RPP38: variants seen among roughly 807,000 people sequenced by gnomAD.
RPP38 encodes ribonuclease P protein subunit p38.
A neutral mutation model predicts 1.7 loss-of-function variants in RPP38; 2 were observed. The observed-to-expected ratio is 1.18, with a 90% CI of 0.48 to 3.70. RPP38 has a LOEUF of 3.70. RPP38 is among the 30% of genes most tolerant of loss of function. The pLI is 0.07. For synonymous variants in RPP38, 151 were observed against 131.8 expected (o/e 1.15, Z -1.00); for missense variants, 358 against 340.1 (o/e 1.05, Z -0.41).
chr10:15,103,196 A>T, intron 2 of RPP38, 109 bp from the exon 3 acceptor site: 1 of 1,087,066 alleles, frequency 9.2e-7, no homozygotes, highest in Admixed American at 2.9e-5. Context: ...CTGTCTCAAA[A>T]AATAAATACA....
At chr10:15,099,441 A>T (rs1029055090) in intron 1 of RPP38, among the ~76,000 whole-genome samples, 4 of 151,020 alleles carry the variant, frequency 2.6e-5, no homozygotes, top group Admixed American at 1.3e-4. Context: ...AGACCAGCCC[A>T]GGCAACAAAG....
chr10:15,098,888 A>C (rs1173456216), intron 1 of RPP38, among the ~76,000 whole-genome samples: 3 of 113,764 alleles, frequency 2.6e-5, no homozygotes, highest in East Asian at 4.1e-4. Flanking sequence ...CCGTCTCAAA[A>C]AAAAAAAAAA....
At chr10:15,101,640 C>G (rs910615611) in intron 1 of RPP38, among the ~76,000 whole-genome samples, 3 of 152,118 alleles carry the variant, frequency 2.0e-5, no homozygotes, top group Admixed American at 1.3e-4. Flanking sequence ...CCTGTAATCC[C>G]AGCACTCTGG....
In RPP38 at chr10:15,103,495, G is replaced by A. The variant is rs547184579; in HGVS notation, c.181G>A (p.Glu61Lys). The A allele has an allele frequency of 7.4e-6, 12 of 1,614,024 alleles. No homozygotes were observed. In the African/African-American group the frequency reaches 8.0e-5, roughly 11 times the overall value. Residue 61 changes from glutamate to lysine, a missense_variant, in exon 3 of 3, where the codon GAA becomes AAA. Coordinates refer to ENST00000378197, the MANE Select transcript of RPP38 (RefSeq NM_183005.5). ...TAAAGCTATTGGACTTCAGAAGATTGAAGATAAGAAGAAAAAGAACAAAAC... is the reference window on the plus strand; with the variant it reads ...TAAAGCTATTGGACTTCAGAAGATTAAAGATAAGAAGAAAAAGAACAAAAC... ...RLKAIGLQKI[E>K]DKKKKNKTPF...
Position 15,103,888 on chromosome 10 carries a change from G to A in RPP38, c.574G>A (p.Glu192Lys), listed in dbSNP as rs1845208633. The change falls in exon 3 of 3, where the codon GAA (glutamate) becomes AAA (lysine). Residue 192 changes from glutamate to lysine, a missense_variant. Glu to Lys is a moderately conservative substitution (Grantham distance 56). Coordinates refer to ENST00000378197, the MANE Select transcript of RPP38 (RefSeq NM_183005.5). ...AAAGAACACCACTGACTTTGTGGACGAAGTAAGAGCCATCATCCCCAGAGT... is the reference window on the plus strand; with the variant it reads ...AAAGAACACCACTGACTTTGTGGACAAAGTAAGAGCCATCATCCCCAGAGT... Reference protein sequence around the residue: ...FKKNTTDFVDEVRAIIPRVPS... With the variant: ...FKKNTTDFVDKVRAIIPRVPS... The A allele has an allele frequency of 2.6e-5, 42 of 1,614,126 alleles. No individual in the cohort carries two copies. Among genetic ancestry groups the A allele is most frequent in the African/African-American group, 6.7e-5 (5 of 75,052 alleles).
In RPP38 at chr10:15,103,741, A is replaced by T. The variant is rs1223669875; in HGVS notation, c.427A>T (p.Ile143Phe). The T allele has an allele frequency of 6.2e-7, 1 of 1,613,844 alleles. No individual in the cohort carries two copies. The highest frequency in any genetic ancestry group is 8.5e-7 in the Non-Finnish European group (1 of 1,180,036). Residue 143 changes from isoleucine to phenylalanine, a missense_variant, in exon 3 of 3, where the codon ATC becomes TTC. Physicochemically the swap from Ile to Phe is conservative, Grantham distance 21. Transcript: ENST00000378197. ...GTGTAAATCAGTCAAGCCTGCCATG[A>T]TCACCTCACACTTGATTCAGTTAAG... Reference protein sequence around the residue: ...LVCKSVKPAMITSHLIQLSLS... With the variant: ...LVCKSVKPAMFTSHLIQLSLS...
rs756322806 is a variant in RPP38, at chr10:15,103,764, A to T, written c.450A>T (p.Leu150Phe). The change falls in exon 3 of 3, where the codon TTA (leucine) becomes TTT (phenylalanine). Residue 150 changes from leucine (L) to phenylalanine (F), a missense_variant. Physicochemically the swap from Leu to Phe is conservative, Grantham distance 22. Coordinates refer to ENST00000378197, the MANE Select transcript of RPP38 (RefSeq NM_183005.5). Reference protein sequence around the residue: ...PAMITSHLIQLSLSRSVPACQ... With the variant: ...PAMITSHLIQFSLSRSVPACQ... ...TGATCACCTCACACTTGATTCAGTT[A>T]AGCCTAAGCAGAAGTGTCCCTGCCT... The T allele has an allele frequency of 3.2e-5, 52 of 1,613,866 alleles. No individual in the cohort carries two copies. The highest frequency in any genetic ancestry group is 4.2e-5 in the Non-Finnish European group (49 of 1,180,042).
intron 1 of RPP38, among the ~76,000 whole-genome samples, chr10:15,098,620 G>T (rs1260713599): frequency 6.6e-6 from 1 of 150,648 alleles, no homozygotes; most frequent in Non-Finnish European, 1.5e-5. Context: ...CGGCGCGGTG[G>T]CTCACGCCTG....
chr10:15,100,475 A>T (rs1845078150), intron 1 of RPP38, among the ~76,000 whole-genome samples: 2 of 151,986 alleles, frequency 1.3e-5, no homozygotes, highest in Admixed American at 6.6e-5. Flanking sequence ...AGGCCCCAGA[A>T]GTCTCCAGGA....
At chr10:15,098,011 G>A (rs1344473605) in intron 1 of RPP38, among the ~76,000 whole-genome samples, 1 of 152,096 alleles carries the variant, frequency 6.6e-6, no homozygotes, top group East Asian at 1.9e-4. Flanking sequence ...ACGACTCCAG[G>A]AGCGTCTTTG....
In RPP38 at chr10:15,104,153, C is replaced by T. The variant is rs746219631; in HGVS notation, c.839C>T (p.Ala280Val). The change falls in exon 3 of 3, where the codon GCT (alanine) becomes GTT (valine). Residue 280 changes from alanine (A) to valine (V), a missense_variant. Coordinates refer to ENST00000378197, the MANE Select transcript of RPP38 (RefSeq NM_183005.5). ...KIRKPPKSKK[A>V]TPK ...AGGAAACCACCCAAAAGTAAAAAAG[C>T]TACTCCAAAGTAATCTTGCATAAAC... The T allele has an allele frequency of 5.7e-6, 9 of 1,566,418 alleles. No homozygotes were observed. The highest frequency in any genetic ancestry group is 7.7e-6 in the Non-Finnish European group (9 of 1,163,256).
intron 1 of RPP38, among the ~76,000 whole-genome samples, chr10:15,098,872 G>A (rs571939791): frequency 7.4e-6 from 1 of 134,582 alleles, no homozygotes; most frequent in African/African-American, 3.1e-5. Context: ...GCGACAGAAT[G>A]AGACTCCGTC....
At chr10:15,099,761 G>A (rs1255076689) in intron 1 of RPP38, among the ~76,000 whole-genome samples, 2 of 152,132 alleles carry the variant, frequency 1.3e-5, no homozygotes, top group Admixed American at 6.5e-5. Flanking sequence ...TTACAGGTGT[G>A]AGCCACCGTG....
rs1589267906 is a variant in RPP38, at chr10:15,097,655, G to A, written c.-241G>A. 6.6e-6 allele frequency: 1 copy of A among 152,354 alleles called. No homozygotes were observed. Among genetic ancestry groups the A allele is most frequent in the African/African-American group, 2.4e-5 (1 of 41,476 alleles). 9.4% of individuals were successfully genotyped at this position (152,354 alleles called of 1,614,324 possible). On this transcript the variant is annotated 5_prime_UTR_variant, in exon 1 of 3. Transcript: ENST00000378197. ...TCTGCTGGATTGCAGCGCCGGCTGG[G>A]CACCAGGAGTACAAAGCGAAAACCC...
intron 1 of RPP38, among the ~76,000 whole-genome samples, chr10:15,100,294 CCT>C (rs10597505): frequency 0.18 from 27,536 of 152,006 alleles, 2,926 homozygotes; most frequent in African/African-American, 0.31. Flanking sequence ...TGTTTCACCC[CCT>C]GTCACTTATT....
chr10:15,098,226 GTTTTTTTTTTTTT>G (rs60451551), intron 1 of RPP38, among the ~76,000 whole-genome samples: 6 of 88,010 alleles, frequency 6.8e-5, no homozygotes, highest in Admixed American at 2.9e-4. Flanking sequence ...ATTTGAACGT[GTTTTTTTTTTTTT>G]TTTTTTTTTT....
At chr10:15,102,822 T>A (rs578020841) in intron 2 of RPP38, 3 of 152,512 alleles carry the variant, frequency 2.0e-5, no homozygotes, top group African/African-American at 7.2e-5. Context: ...AATTACTTAA[T>A]CTTTAAAAGG....
chr10:15,099,476 CTTT>C (rs758952385), intron 1 of RPP38, among the ~76,000 whole-genome samples: 1 of 141,920 alleles, frequency 7.0e-6, no homozygotes, highest in Non-Finnish European at 1.5e-5. Context: ...TATAGAATTT[CTTT>C]TTTTTTTTTT....
chr10:15,103,633 GCA>G lies in RPP38; in HGVS notation c.323_324del (p.His108ArgfsTer10). 1.2e-6 allele frequency: 2 copies of G among 1,614,116 alleles called. No homozygotes were observed. Among genetic ancestry groups the G allele is most frequent in the South Asian group, 2.2e-5 (2 of 91,080 alleles). Reference protein sequence around the residue: ...AKQQVSGWTPAHVRKQLAIGV... With the variant: ...AKQQVSGWTPXHVRKQLAIGV... ...GCAGCAAGTGTCAGGGTGGACGCCT[GCA>G]CACGTCAGGAAGCAGCTTGCCATTG... On this transcript the variant is annotated frameshift_variant, in exon 3 of 3. Transcript: ENST00000378197. LOFTEE classifies it low-confidence loss of function (END_TRUNC).
Sources: allele counts gnomAD v4.1 joint callset (sites outside exome capture counted in the v4.1 genomes callset), GRCh38; gene constraint gnomAD v4.1.1; transcripts MANE v1.5; gene names NCBI Gene and HGNC (gene_info 2026-07-23, HGNC 2026-07-21).